The following ZNF425 variants were observed in gnomAD, a reference collection of about 807,000 sequenced individuals.
The protein encoded by ZNF425 is zinc finger protein 425.
Under a neutral mutation model 17.0 loss-of-function variants are expected in ZNF425, and 21 were observed. The observed-to-expected ratio is 1.23, with a 90% CI of 0.88 to 1.78. The LOEUF (loss-of-function observed/expected upper bound fraction) is 1.78, where lower values mean the gene tolerates loss of function less well. ZNF425 is among the 40% of genes most tolerant of loss of function. ZNF425 has a pLI of 0.00. For synonymous variants in ZNF425, 433 were observed against 384.1 expected, an observed-to-expected ratio of 1.13 and a Z score of -1.49; for missense variants, 868 against 967.3, an observed-to-expected ratio of 0.90 and a Z score of 1.36.
At position 149,105,500 on chromosome 7, in the gene ZNF425, A is replaced by T; in HGVS notation, c.371T>A (p.Leu124Ter). Reference sequence around the variant, plus strand: ...CTCTTTCCCTCGTAAGGCAGCACACAAGTCCTGTTTTTGAGGACCATTTAA... The same window carrying T: ...CTCTTTCCCTCGTAAGGCAGCACACTAGTCCTGTTTTTGAGGACCATTTAA... ...CRLNGPQKQD[L>*]CAALRGKERK... The change falls in exon 4 of 4, where the codon TTG becomes TAG. Residue 124 changes from leucine (L) to a stop codon, truncating the protein, a stop_gained. Coordinates refer to ENST00000378061, the MANE Select transcript of ZNF425 (RefSeq NM_001001661.3). LOFTEE classifies it low-confidence loss of function (END_TRUNC). The T allele has an allele frequency of 6.6e-7, 1 of 1,518,542 alleles. No individual in the cohort carries two copies. The highest frequency in any genetic ancestry group is 8.8e-7 in the Non-Finnish European group (1 of 1,136,758). The allele number at this position is 1,518,542 out of a possible 1,614,324, so 94.1% of individuals were successfully genotyped here. A position where few individuals can be genotyped will look rare whatever the true frequency, so the allele number is the denominator to read the frequency against.
At position 149,126,273 on chromosome 7, in the gene ZNF425, C is replaced by G; in HGVS notation, c.-60G>C. Reference sequence around the variant, plus strand: ...GCCTCCCCTCCGCTCCGCCCCAACCCAACTCCCAGGTACAGCCCTGCTGGC... The same window carrying G: ...GCCTCCCCTCCGCTCCGCCCCAACCGAACTCCCAGGTACAGCCCTGCTGGC... On this transcript the variant is annotated 5_prime_UTR_variant, in exon 1 of 4. Transcript: ENST00000378061. 1.9e-6 allele frequency: 3 copies of G among 1,589,652 alleles called. No homozygotes were observed. Among genetic ancestry groups the G allele is most frequent in the South Asian group, 1.1e-5 (1 of 88,216 alleles).
chr7:149,125,997 T>C (rs1465038353), intron 1 of ZNF425, 199 bp downstream of exon 1: 3 of 1,173,802 alleles, frequency 2.6e-6, no homozygotes, highest in Non-Finnish European at 2.4e-6. Flanking sequence ...CAGACCAGCT[T>C]TTCCCCAGGT....
intron 3 of ZNF425, among the ~76,000 whole-genome samples, chr7:149,106,630 A>T (rs1198759426): frequency 6.6e-6 from 1 of 152,210 alleles, no homozygotes; most frequent in Non-Finnish European, 1.5e-5. Flanking sequence ...GGTAAATCAT[A>T]TTTAACTTTT....
chr7:149,113,995 T>C (rs904008358), intron 2 of ZNF425, among the ~76,000 whole-genome samples: 7 of 135,932 alleles, frequency 5.1e-5, no homozygotes, highest in Admixed American at 3.3e-4. Flanking sequence ...GCCTAGGTGA[T>C]AGAGAGAGAC....
intron 1 of ZNF425, among the ~76,000 whole-genome samples, chr7:149,120,144 C>A (rs1049987558): frequency 6.6e-6 from 1 of 152,132 alleles, no homozygotes; most frequent in Non-Finnish European, 1.5e-5. Context: ...CCCCTGTAAT[C>A]CCAGTACTTT....
rs1826064536 is a variant in ZNF425, at chr7:149,105,411, GA to G, written c.459del (p.Leu154Ter). The G allele has an allele frequency of 6.3e-7, 1 of 1,576,164 alleles. No individual in the cohort carries two copies. On this transcript the variant is annotated frameshift_variant, in exon 4 of 4. Transcript: ENST00000378061. LOFTEE classifies it low-confidence loss of function (END_TRUNC). ...GCTGTGATGCTGACTTTTTTATTTA[GA>G]ATCTCTGTTTCTCGGAGACTTGGAG... ...FQSPSLRETEILNKKVSITAY... is the reference protein window; with the variant it reads ...FQSPSLRETEXLNKKVSITAY...
At chr7:149,106,308 A>G (rs968233305) in intron 3 of ZNF425, among the ~76,000 whole-genome samples, 1 of 149,844 alleles carries the variant, frequency 6.7e-6, no homozygotes, top group Non-Finnish European at 1.5e-5. Context: ...CGGTGGCGTG[A>G]TCTCGGCTCA....
In ZNF425 at chr7:149,104,878, C is replaced by G; in HGVS notation, c.993G>C (p.Gln331His). ...GGAAGCACCGGTCACACTGCGGACA[C>G]TGGAAGGGCTTCTCTCCGCTGTGCA... ...LRLHSGEKPF[Q>H]CPQCDRCFRL... The change falls in exon 4 of 4, where the codon CAG (glutamine) becomes CAC (histidine). Residue 331 changes from glutamine (Q) to histidine (H), a missense_variant. Transcript: ENST00000378061. The surrounding 1 kb of genome is among the most constrained non-coding windows in gnomAD (Gnocchi z 4.3). The G allele has an allele frequency of 6.2e-7, 1 of 1,613,594 alleles. No homozygotes were observed. The highest frequency in any genetic ancestry group is 8.5e-7 in the Non-Finnish European group (1 of 1,179,938).
intron 2 of ZNF425, among the ~76,000 whole-genome samples, chr7:149,112,745 A>C (rs749250001): frequency 6.6e-6 from 1 of 152,056 alleles, no homozygotes; most frequent in Non-Finnish European, 1.5e-5. Context: ...GGCTCATTGC[A>C]ACCTCTGCCT....
rs1430771773 is a variant in ZNF425 at position 149,103,680 on chromosome 7, A to G, written c.2191T>C (p.Phe731Leu). 3 of 1,613,952 alleles carry G rather than the reference A, an allele frequency of 1.9e-6. No homozygotes were observed. The highest frequency in any genetic ancestry group is 2.7e-5 in the African/African-American group (2 of 74,914). The change falls in exon 4 of 4, where the codon TTC becomes CTC. Residue 731 changes from phenylalanine to leucine, a missense_variant. Around this residue, in one of 5 missense-constraint regions of ZNF425, gnomAD observed 437 missense variants for 444.2 expected, o/e 0.98. Transcript: ENST00000378061. ...GTCTTGAGCGCCCCCACGTACGTGAAGCTCCTTCCACACTCATCACAAGAA... is the reference window on the plus strand; with the variant it reads ...GTCTTGAGCGCCCCCACGTACGTGAGGCTCCTTCCACACTCATCACAAGAA... ...PFSCDECGRS[F>L]TYVGALKTHI...
rs753035104 is a variant in ZNF425, at chr7:149,104,194, G to A, written c.1677C>T (p.Cys559=). 2.5e-6 allele frequency: 4 copies of A among 1,607,164 alleles called. No homozygotes were observed. The highest frequency in any genetic ancestry group is 3.4e-6 in the Non-Finnish European group (4 of 1,177,276). ...AGGCCTTCCAGGAGAAGCTCTTGTC[G>A]CACTCGGGACACTGGAAGGGCTCCT... The part of the protein sequence containing the change: ...SGEEPFQCPE[C]DKSFSWKASM... The change falls in exon 4 of 4, where the codon TGC becomes TGT. Residue 559 remains cysteine, a synonymous_variant. Coordinates refer to ENST00000378061, the MANE Select transcript of ZNF425 (RefSeq NM_001001661.3). This position sits in a 1 kb window ranked among gnomAD's most constrained non-coding sequence, Gnocchi z 4.3.
At position 149,126,182 on chromosome 7, in the gene ZNF425, C is replaced by G. The variant is rs1196106779; in HGVS notation, c.18+14G>C. 5.6e-6 allele frequency: 9 copies of G among 1,613,300 alleles called. No individual in the cohort carries two copies. The highest frequency in any genetic ancestry group is 7.6e-6 in the Non-Finnish European group (9 of 1,179,692). On this transcript the variant is annotated intron_variant, in intron 1 of 3. Coordinates refer to ENST00000378061, the MANE Select transcript of ZNF425 (RefSeq NM_001001661.3). ...GTTTCGACAGAGCCTGCATCCTCCA[C>G]CGGCCCTTCTTACCGAAGCCGGCTC...
rs185694079 is a variant in ZNF425, at chr7:149,116,099, C to T, written c.145+2123G>A. On this transcript the variant is annotated intron_variant, in intron 2 of 3. Coordinates refer to ENST00000378061, the MANE Select transcript of ZNF425 (RefSeq NM_001001661.3). ...TCCCACCCTGCTGGCTCCTGGGCCT[C>T]GGTGTCCTCAGGTTAGCCTCTAAAT... Among the ~76,000 whole-genome samples the T allele has an allele frequency of 1.7e-3, 262 of 152,258 alleles. 1 individual carries two copies. Among genetic ancestry groups the T allele is most frequent in the Non-Finnish European group, 2.6e-3 (176 of 68,004 alleles).
At chr7:149,117,172 G>A (rs915956767) in intron 2 of ZNF425, among the ~76,000 whole-genome samples, 7 of 151,652 alleles carry the variant, frequency 4.6e-5, no homozygotes, top group African/African-American at 1.7e-4. Context: ...GCTGAGACAG[G>A]AGAATCACTT....
rs748449129 is a variant in ZNF425, at chr7:149,105,259, A to AT, written c.611dup (p.Asp204GlufsTer47). 9 of 1,614,124 alleles carry AT rather than the reference A, an allele frequency of 5.6e-6. No homozygotes were observed. The South Asian group carries it at 9.9e-5, about 18-fold the overall frequency. On this transcript the variant is annotated frameshift_variant, in exon 4 of 4. Transcript: ENST00000378061. LOFTEE classifies it low-confidence loss of function (END_TRUNC). ...AGTGGCTCCGTTTGTGCTTTAGCAA[A>AT]TCCCTCCTTACTTGGAAGACTTTCC... is the stretch of plus-strand genomic sequence containing the variant.
At position 149,104,096 on chromosome 7, in the gene ZNF425, G is replaced by A. The variant is rs750504216; in HGVS notation, c.1775C>T (p.Thr592Met). Residue 592 changes from threonine to methionine, a missense_variant, in exon 4 of 4, where the codon ACG becomes ATG. By Grantham distance (81) the Thr-to-Met change is moderately conservative. Transcript: ENST00000378061. This position sits in a 1 kb window ranked among gnomAD's most constrained non-coding sequence, Gnocchi z 4.3. Reference sequence around the variant, plus strand: ...GTGCTCGGTGAGCTGAGACTGATGCGTGTAGGTCTTGTCACACTCACCGCA... The same window carrying A: ...GTGCTCGGTGAGCTGAGACTGATGCATGTAGGTCTTGTCACACTCACCGCA... ...FACGECDKTYTHQSQLTEHLR... is the reference protein window; with the variant it reads ...FACGECDKTYMHQSQLTEHLR... 1.9e-5 allele frequency: 31 copies of A among 1,612,566 alleles called. No individual in the cohort carries two copies. The highest frequency in any genetic ancestry group is 3.3e-4 in the Middle Eastern group (2 of 6,082).
intron 1 of ZNF425, chr7:149,125,885 G>A (rs1373054718): frequency 5.6e-6 from 3 of 537,942 alleles, no homozygotes; most frequent in South Asian, 2.0e-5. Flanking sequence ...ACCGCGCGAC[G>A]GACCTAGCGC....
Position 149,105,164 on chromosome 7 carries a change from G to C in ZNF425, c.707C>G (p.Thr236Arg), listed in dbSNP as rs749709957. ...SSRGKSELRR[T>R]QRLLCQKKRF... ...CTTCTTCTGACACAGGAGCCTCTGC[G>C]TCCGCCTGAGTTCGGACTTCCCTCT... The change falls in exon 4 of 4, where the codon ACG (threonine) becomes AGG (arginine). Residue 236 changes from threonine (T) to arginine (R), a missense_variant. Thr to Arg is a moderately conservative substitution (Grantham distance 71, BLOSUM62 -1). Coordinates refer to ENST00000378061, the MANE Select transcript of ZNF425 (RefSeq NM_001001661.3). 6.2e-7 allele frequency: 1 copy of C among 1,614,196 alleles called. No individual in the cohort carries two copies. Among genetic ancestry groups the C allele is most frequent in the African/African-American group, 1.3e-5 (1 of 75,064 alleles).
chr7:149,107,376 C>T (rs1376132050), intron 3 of ZNF425, among the ~76,000 whole-genome samples: 3 of 150,822 alleles, frequency 2.0e-5, no homozygotes, highest in South Asian at 4.2e-4. Context: ...CTAGCTCTGT[C>T]GCCCAGGCTG....
Sources: gnomAD v4.1 joint callset for allele counts (sites outside exome capture counted in the v4.1 genomes callset) on GRCh38, gnomAD v4.1.1 for gene constraint, gnomAD v4.1.1 regional missense constraint, Gnocchi (gnomAD v3.1) non-coding constraint, MANE v1.5 for transcripts, NCBI Gene and HGNC (gene_info 2026-07-23, HGNC 2026-07-21) for gene names.